PRKG1: variants seen among roughly 807,000 people sequenced by gnomAD.
PRKG1 encodes cGMP-dependent protein kinase 1.
In PRKG1, 35 loss-of-function variants were observed where a neutral mutation model predicts 88.1. The ratio of observed to expected loss-of-function variants is 0.40; its 90% confidence interval spans 0.30 to 0.53. The LOEUF is 0.53. Among genes scored for constraint, PRKG1 ranks in the 20% least tolerant of loss-of-function variants. The pLI is 0.59. For missense variants in PRKG1, 540 were observed against 839.8 expected (o/e 0.64, Z 4.41); for synonymous variants, 303 against 292.5 (o/e 1.04, Z -0.37).
chr10:51,936,316 G>A (rs995343342), intron 5 of PRKG1, among the ~76,000 whole-genome samples: 2 of 151,956 alleles, frequency 1.3e-5, no homozygotes, highest in South Asian at 4.2e-4. Context: ...GCCTCCTCGA[G>A]TCCTGGAACA....
At chr10:52,019,859 CCT>C (rs1281153261) in intron 5 of PRKG1, among the ~76,000 whole-genome samples, 1 of 152,034 alleles carries the variant, frequency 6.6e-6, no homozygotes, top group Admixed American at 6.6e-5. Flanking sequence ...AAGATAAAAT[CCT>C]CTGAGCTGAA....
At chr10:52,271,604 T>G (rs545358279) in intron 11 of PRKG1, 115 bp downstream of exon 11, 1 of 1,089,272 alleles carries the variant, frequency 9.2e-7, no homozygotes, top group South Asian at 2.9e-5. Flanking sequence ...AAGAAACTTC[T>G]TTTTAATCTA....
At chr10:51,018,880 T>C (rs999681455) in intron 1 of PRKG1, among the ~76,000 whole-genome samples, 5 of 152,226 alleles carry the variant, frequency 3.3e-5, no homozygotes, top group Admixed American at 1.3e-4. Flanking sequence ...AAACTCTGAT[T>C]GGTAATTATG....
At chr10:51,636,577 G>A (rs1001549023) in intron 3 of PRKG1, among the ~76,000 whole-genome samples, 10 of 152,088 alleles carry the variant, frequency 6.6e-5, no homozygotes, top group Non-Finnish European at 1.3e-4. Flanking sequence ...GTGGTTCTAG[G>A]CCACCCTAAG....
chr10:51,942,850 C>CTGTA (rs1470862041), intron 5 of PRKG1, among the ~76,000 whole-genome samples: 1 of 150,828 alleles, frequency 6.6e-6, no homozygotes, highest in Non-Finnish European at 1.5e-5. Context: ...GTTTTGGTTA[C>CTGTA]TGTAGCCTTG....
At chr10:51,697,946 C>T in intron 3 of PRKG1, 1 of 1,598,286 alleles carries the variant, frequency 6.3e-7, no homozygotes, top group Non-Finnish European at 8.5e-7. Flanking sequence ...TATACTGACT[C>T]CTTGTATGCC....
At chr10:51,582,704 T>C (rs912562355) in intron 3 of PRKG1, among the ~76,000 whole-genome samples, 5 of 152,162 alleles carry the variant, frequency 3.3e-5, no homozygotes, top group South Asian at 2.1e-4. Flanking sequence ...CAGTCTATCA[T>C]TGATGGGCAT....
Position 51,214,646 on chromosome 10 carries a change from T to A in PRKG1, c.478+61316T>A, listed in dbSNP as rs137898527. Among the ~76,000 whole-genome samples the A allele has an allele frequency of 4.3e-3, 647 of 151,678 alleles. 3 individuals are homozygous for A. The highest frequency in any genetic ancestry group is 0.014 in the African/African-American group (594 of 41,342). On this transcript the variant is annotated intron_variant, in intron 2 of 17. Coordinates refer to ENST00000373980, the MANE Select transcript of PRKG1 (RefSeq NM_006258.4). The stretch of plus-strand genomic sequence containing the variant: ...TCGCTTGCCACACCCCCAGCTATAT[T>A]TTTTTTTATTTTGTAGAGACGGTGT...
intron 2 of PRKG1, among the ~76,000 whole-genome samples, chr10:51,205,659 C>T (rs967214512): frequency 6.6e-6 from 1 of 151,954 alleles, no homozygotes; most frequent in African/African-American, 2.4e-5. Context: ...CCTCAGCCTC[C>T]TGAGTAGCTG....
At chr10:51,265,685 G>A (rs1455002785) in intron 2 of PRKG1, among the ~76,000 whole-genome samples, 3 of 152,132 alleles carry the variant, frequency 2.0e-5, no homozygotes, top group Non-Finnish European at 4.4e-5. Context: ...ACCATGTTTT[G>A]AGAGAAATTG....
At chr10:52,024,640 C>T (rs1845285746) in intron 5 of PRKG1, among the ~76,000 whole-genome samples, 1 of 152,106 alleles carries the variant, frequency 6.6e-6, no homozygotes, top group Non-Finnish European at 1.5e-5. Flanking sequence ...TCATCCATGT[C>T]CCTACAAAGG....
At position 51,720,120 on chromosome 10, in the gene PRKG1, C is replaced by T. The variant is rs377172084; in HGVS notation, c.593-84465C>T. Among the ~76,000 whole-genome samples, 4 of 152,082 alleles carry T rather than the reference C, an allele frequency of 2.6e-5. 1 individual carries two copies. Among genetic ancestry groups the T allele is most frequent in the Admixed American group, 2.0e-4 (3 of 15,262 alleles). On this transcript the variant is annotated intron_variant, in intron 3 of 17. Transcript: ENST00000373980. ...AGAGAAACTGTAATGAGTTATTTTT[C>T]GAAAATACAGATATAGTCATGTCAA...
chr10:51,791,136 A>C (rs562594149), intron 3 of PRKG1, among the ~76,000 whole-genome samples: 1 of 152,314 alleles, frequency 6.6e-6, no homozygotes, highest in East Asian at 1.9e-4. Context: ...ATTTCATTTG[A>C]GATGGAATAG....
At chr10:51,102,723 GC>G (rs1314009502) in intron 1 of PRKG1, among the ~76,000 whole-genome samples, 2 of 152,158 alleles carry the variant, frequency 1.3e-5, no homozygotes, top group African/African-American at 4.8e-5. Context: ...TAGTTAACAA[GC>G]CCCATCTATG....
intron 4 of PRKG1, among the ~76,000 whole-genome samples, chr10:51,865,651 A>T (rs1469528095): frequency 6.6e-6 from 1 of 152,068 alleles, no homozygotes; most frequent in Non-Finnish European, 1.5e-5. Flanking sequence ...ATGGCATTAA[A>T]ACTACAATTA....
chr10:51,734,999 T>C (rs1837227313), intron 3 of PRKG1, among the ~76,000 whole-genome samples: 1 of 152,102 alleles, frequency 6.6e-6, no homozygotes. Context: ...TCTGGAGATA[T>C]TCAATAAAAA....
intron 3 of PRKG1, among the ~76,000 whole-genome samples, chr10:51,590,395 T>A (rs7911071): frequency 0.072 from 10,906 of 152,192 alleles, 1,286 homozygotes; most frequent in African/African-American, 0.25. Context: ...TCTGGCTAAT[T>A]TTCTTTCCCC....
intron 3 of PRKG1, among the ~76,000 whole-genome samples, chr10:51,634,623 T>C (rs929441125): frequency 1.3e-5 from 2 of 152,104 alleles, no homozygotes; most frequent in African/African-American, 2.4e-5. Context: ...CTGGAGATAC[T>C]GACAATTCTT....
intron 7 of PRKG1, among the ~76,000 whole-genome samples, chr10:52,103,493 T>C (rs1391536967): frequency 1.3e-5 from 2 of 152,132 alleles, no homozygotes; most frequent in Non-Finnish European, 2.9e-5. Flanking sequence ...TTAGTAACTA[T>C]ATTTTCTTTT....
Sources: allele counts gnomAD v4.1 joint callset (sites outside exome capture counted in the v4.1 genomes callset), GRCh38; gene constraint gnomAD v4.1.1; transcripts MANE v1.5; gene names NCBI Gene and HGNC (gene_info 2026-07-23, HGNC 2026-07-21).